PRKG1: variants seen among roughly 807,000 people sequenced by gnomAD.
PRKG1 encodes protein kinase cGMP-dependent 1, also known as cGMP-dependent protein kinase 1.
PRKG1 carries 35 observed loss-of-function variants against 88.1 expected under a neutral mutation model. The observed-to-expected ratio is 0.40, with a 90% CI of 0.30 to 0.53. The LOEUF is 0.53. PRKG1 is among the 20% of genes least tolerant of loss of function. PRKG1 has a pLI of 0.59. For synonymous variants in PRKG1, 303 were observed against 292.5 expected, an observed-to-expected ratio of 1.04 and a Z score of -0.37; for missense variants, 540 against 839.8, an observed-to-expected ratio of 0.64 and a Z score of 4.41.
intron 5 of PRKG1, among the ~76,000 whole-genome samples, chr10:51,970,037 CACACACACACACA>C (rs1564733407): frequency 1.2e-4 from 11 of 90,042 alleles, no homozygotes; most frequent in African/African-American, 3.2e-4. Flanking sequence ...CACACACACA[CACACACACACACA>C]CCCATATTTA....
intron 5 of PRKG1, among the ~76,000 whole-genome samples, chr10:51,958,375 A>T (rs1328431402): frequency 2.6e-5 from 4 of 152,160 alleles, no homozygotes; most frequent in Non-Finnish European, 4.4e-5. Context: ...AGATGAACGA[A>T]GTTGATATGT....
intron 4 of PRKG1, among the ~76,000 whole-genome samples, chr10:51,818,113 G>T (rs139449755): frequency 1.3e-5 from 2 of 152,116 alleles, no homozygotes; most frequent in African/African-American, 4.8e-5. Flanking sequence ...ATTCTATATG[G>T]GACATATAGA....
rs184695203 is a variant in PRKG1 at position 51,772,128 on chromosome 10, T to G, written c.593-32457T>G. ...TTAAAAATAATTATAACATCAAGTT[T>G]TAGAGAAGAAATGAGAAAATGAACA... On this transcript the variant is annotated intron_variant, in intron 3 of 17. Coordinates refer to ENST00000373980, the MANE Select transcript of PRKG1 (RefSeq NM_006258.4). Among the ~76,000 whole-genome samples the G allele has an allele frequency of 2.6e-5, 4 of 152,268 alleles. No homozygotes were observed. The East Asian group carries it at 7.7e-4, about 29-fold the overall frequency.
intron 3 of PRKG1, among the ~76,000 whole-genome samples, chr10:51,565,070 A>C (rs1837564406): frequency 6.6e-6 from 1 of 152,130 alleles, no homozygotes; most frequent in South Asian, 2.1e-4. Flanking sequence ...AAGCTCAGAG[A>C]GTGAATAGTA....
intron 2 of PRKG1, among the ~76,000 whole-genome samples, chr10:51,234,502 G>A (rs1227724214): frequency 1.3e-5 from 2 of 152,080 alleles, no homozygotes; most frequent in Non-Finnish European, 2.9e-5. Context: ...CCTTAGATTT[G>A]ATAGCTGGGT....
chr10:52,180,411 C>T (rs1051581065), intron 9 of PRKG1, among the ~76,000 whole-genome samples: 16 of 152,234 alleles, frequency 1.1e-4, no homozygotes, highest in East Asian at 7.7e-4. Context: ...ACATTTTGAA[C>T]GTTCATTTGG....
At chr10:52,046,267 CCTT>C (rs1456412672) in intron 5 of PRKG1, among the ~76,000 whole-genome samples, 14 of 151,966 alleles carry the variant, frequency 9.2e-5, no homozygotes, top group Admixed American at 2.0e-4. Flanking sequence ...GTCACTCTGA[CCTT>C]CTTTTTTTAT....
intron 2 of PRKG1, among the ~76,000 whole-genome samples, chr10:51,296,707 A>T (rs1840729000): frequency 6.6e-6 from 1 of 151,692 alleles, no homozygotes; most frequent in South Asian, 2.1e-4. Flanking sequence ...CTTCCTTCTG[A>T]TAATTTTAGG....
chr10:51,047,461 A>G (rs1459171642), intron 1 of PRKG1, among the ~76,000 whole-genome samples: 2 of 152,164 alleles, frequency 1.3e-5, no homozygotes, highest in African/African-American at 4.8e-5. Context: ...AGCCTAGGTC[A>G]GTTTTCCAGA....
chr10:51,612,741 T>A (rs1838944307), intron 3 of PRKG1, among the ~76,000 whole-genome samples: 1 of 151,962 alleles, frequency 6.6e-6, no homozygotes, highest in African/African-American at 2.4e-5. Flanking sequence ...CCCATGATGA[T>A]GTTTGCTGTT....
intron 2 of PRKG1, among the ~76,000 whole-genome samples, chr10:51,282,858 C>G (rs1016169827): frequency 2.6e-5 from 4 of 151,648 alleles, no homozygotes; most frequent in Non-Finnish European, 4.4e-5. Flanking sequence ...TTTATAATAT[C>G]AACTTTTATT....
chr10:51,601,721 A>ATTTTTTTTTTTTTTTTTTTTT (rs749205610), intron 3 of PRKG1, among the ~76,000 whole-genome samples: 5 of 43,574 alleles, frequency 1.1e-4, no homozygotes, highest in African/African-American at 1.5e-4. Context: ...GGCAGATTGA[A>ATTTTTTTTTTTTTTTTTTTTT]TTTTTTTTTT....
At chr10:51,356,849 C>G (rs1171196398) in intron 2 of PRKG1, among the ~76,000 whole-genome samples, 1 of 152,024 alleles carries the variant, frequency 6.6e-6, no homozygotes, top group Non-Finnish European at 1.5e-5. Flanking sequence ...ATACATACCT[C>G]TATCGCTGAA....
At position 51,450,479 on chromosome 10, in the gene PRKG1, C is replaced by A. The variant is rs182355854; in HGVS notation, c.479-17244C>A. 1.3e-3 allele frequency among the ~76,000 whole-genome samples: 201 copies of A among 151,990 alleles called. 2 individuals are homozygous for A. Among genetic ancestry groups the A allele is most frequent in the African/African-American group, 4.4e-3 (181 of 41,510 alleles). On this transcript the variant is annotated intron_variant, in intron 2 of 17. Coordinates refer to ENST00000373980, the MANE Select transcript of PRKG1 (RefSeq NM_006258.4). ...CAGGGAGCCAATTAAAGTTAGCTGG[C>A]AAGTAATGAGATGGAATTCATGATG...
chr10:51,839,422 G>A (rs1297427698), intron 4 of PRKG1, among the ~76,000 whole-genome samples: 1 of 152,118 alleles, frequency 6.6e-6, no homozygotes, highest in Non-Finnish European at 1.5e-5. Context: ...ATTTAATTCA[G>A]TGATTTGCAC....
rs376190475 is a variant in PRKG1, at chr10:51,647,197, C to T, written c.593-157388C>T. 4.3e-3 allele frequency among the ~76,000 whole-genome samples: 648 copies of T among 150,160 alleles called. 2 individuals carry two copies. Among genetic ancestry groups the T allele is most frequent in the Middle Eastern group, 0.021 (6 of 280 alleles). On this transcript the variant is annotated intron_variant, in intron 3 of 17. Transcript: ENST00000373980. Reference sequence around the variant, plus strand: ...GGTGAAGCATACTGAAATGAGATTGCAAGGTGTCTACAAACGGAAGGTTTT... The same window carrying T: ...GGTGAAGCATACTGAAATGAGATTGTAAGGTGTCTACAAACGGAAGGTTTT...
chr10:51,011,371 A>G (rs900093379), intron 1 of PRKG1, among the ~76,000 whole-genome samples: 2 of 152,152 alleles, frequency 1.3e-5, no homozygotes, highest in African/African-American at 4.8e-5. Flanking sequence ...GTCTCCAGAC[A>G]CCACCTCTTG....
chr10:52,244,583 T>A (rs72787337), intron 9 of PRKG1, among the ~76,000 whole-genome samples: 176 of 151,128 alleles, frequency 1.2e-3, no homozygotes, highest in Admixed American at 2.5e-3. Context: ...TCTTCCTTTT[T>A]AAACGTGAAA....
At chr10:51,216,403 G>C (rs1013002586) in intron 2 of PRKG1, among the ~76,000 whole-genome samples, 7 of 152,136 alleles carry the variant, frequency 4.6e-5, no homozygotes, top group African/African-American at 1.7e-4. Flanking sequence ...TAAGTGTTTG[G>C]ACTCCGGAGC....
Sources: allele counts gnomAD v4.1 joint callset (sites outside exome capture counted in the v4.1 genomes callset), GRCh38; gene constraint gnomAD v4.1.1; transcripts MANE v1.5; gene names NCBI Gene and HGNC (gene_info 2026-07-23, HGNC 2026-07-21).